The following MOBP variants were observed in gnomAD, a reference collection of about 807,000 sequenced individuals.
MOBP encodes the protein myelin associated oligodendrocyte basic protein, also known as myelin-associated oligodendrocyte basic protein.
MOBP carries 5 observed loss-of-function variants against 15.0 expected under a neutral mutation model. The ratio of observed to expected loss-of-function variants is 0.33; its 90% CI spans 0.17 to 0.70. The LOEUF (loss-of-function observed/expected upper bound fraction) is 0.70, where lower values mean the gene tolerates loss of function less well. MOBP is among the 30% of genes least tolerant of loss of function. The pLI is 0.67. For missense variants in MOBP, 188 were observed against 257.8 expected, an observed-to-expected ratio of 0.73 and a Z score of 1.85; for synonymous variants, 88 against 99.0, an observed-to-expected ratio of 0.89 and a Z score of 0.66.
intron 1 of MOBP, among the ~76,000 whole-genome samples, chr3:39,470,243 C>T (rs1029309304): frequency 6.6e-6 from 1 of 152,190 alleles, no homozygotes; most frequent in Non-Finnish European, 1.5e-5. Flanking sequence ...CACACCTCAG[C>T]ACTGAACTAC....
chr3:39,494,782 G>GCCCCCCCCCCCCCCCCCC (rs142834446), intron 2 of MOBP, among the ~76,000 whole-genome samples: 2 of 85,948 alleles, frequency 2.3e-5, no homozygotes, highest in Admixed American at 1.4e-4. Flanking sequence ...TATTTTCAAA[G>GCCCCCCCCCCCCCCCCCC]CCCCCCCCCG....
chr3:39,472,308 C>T (rs2125622481), intron 1 of MOBP, among the ~76,000 whole-genome samples: 1 of 152,246 alleles, frequency 6.6e-6, no homozygotes, highest in Non-Finnish European at 1.5e-5. Context: ...GTTGGTTAAC[C>T]TATTGTATGA....
intron 4 of MOBP, among the ~76,000 whole-genome samples, chr3:39,513,181 C>T (rs1465809715): frequency 6.6e-6 from 1 of 152,070 alleles, no homozygotes; most frequent in Non-Finnish European, 1.5e-5. Context: ...AATATCTTTC[C>T]TAGGCTCGGG....
intron 2 of MOBP, among the ~76,000 whole-genome samples, chr3:39,484,942 G>T (rs1261053601): frequency 6.6e-6 from 1 of 152,210 alleles, no homozygotes; most frequent in Non-Finnish European, 1.5e-5. Context: ...GCAAAACAAT[G>T]AGGGCATTTA....
chr3:39,513,401 GC>G (rs1254759507), exon 5 of MOBP: 1 of 1,614,054 alleles, frequency 6.2e-7, no homozygotes, highest in East Asian at 2.2e-5. Context: ...GGAAGATCAG[GC>G]CAACCCCAAA....
intron 3 of MOBP, among the ~76,000 whole-genome samples, chr3:39,521,781 A>G (rs1016282157): frequency 6.6e-6 from 1 of 152,222 alleles, no homozygotes; most frequent in African/African-American, 2.4e-5. Flanking sequence ...TTTGATGCCA[A>G]AACTCATGCA....
chr3:39,518,345 G>T (rs1384797361), downstream of MOBP, among the ~76,000 whole-genome samples: 1 of 152,108 alleles, frequency 6.6e-6, no homozygotes, highest in African/African-American at 2.4e-5. Flanking sequence ...CAGGGATGTT[G>T]GTCCTTTAGT....
chr3:39,516,745 C>G (rs1356619985), downstream of MOBP, among the ~76,000 whole-genome samples: 1 of 152,128 alleles, frequency 6.6e-6, no homozygotes, highest in East Asian at 1.9e-4. Flanking sequence ...AGATCTAAAT[C>G]CCAGATCTAA....
downstream of MOBP, chr3:39,526,284 T>G (rs1375270064): frequency 3.3e-5 from 5 of 152,204 alleles, no homozygotes; most frequent in Non-Finnish European, 7.3e-5. Flanking sequence ...AGTTAGATAT[T>G]AGCCCAGAAA....
At chr3:39,477,023 G>A (rs2042554003) in intron 1 of MOBP, among the ~76,000 whole-genome samples, 1 of 151,984 alleles carries the variant, frequency 6.6e-6, no homozygotes, top group South Asian at 2.1e-4. Flanking sequence ...ACCCAGTCAA[G>A]TCTTGGTTTT....
intron 2 of MOBP, 110 bp from the exon 3 acceptor site, chr3:39,501,956 T>G (rs1317479151): frequency 1.1e-6 from 1 of 898,682 alleles, no homozygotes; most frequent in African/African-American, 1.6e-5. Context: ...AGGGCCCCCC[T>G]GAATGTTACC....
intron 4 of MOBP, among the ~76,000 whole-genome samples, chr3:39,510,426 A>G (rs2043104415): frequency 6.6e-6 from 1 of 152,160 alleles, no homozygotes; most frequent in East Asian, 1.9e-4. Context: ...GAAAACTATA[A>G]CAATACTGAG....
chr3:39,469,383 T>TAATTAAAATTTATTTTAATTGG (rs2042434898), intron 1 of MOBP, among the ~76,000 whole-genome samples: 1 of 91,206 alleles, frequency 1.1e-5, no homozygotes, highest in African/African-American at 6.2e-5. Flanking sequence ...TAATTGGAAT[T>TAATTAAAATTTATTTTAATTGG]AATTAAAATT....
downstream of MOBP, chr3:39,525,183 G>T (rs1236249729): frequency 6.6e-6 from 1 of 152,186 alleles, no homozygotes; most frequent in Non-Finnish European, 1.5e-5. Context: ...TATATAAACG[G>T]TTAACAATAT....
chr3:39,500,533 C>A lies in MOBP; in HGVS notation c.-4-1533C>A, dbSNP rs2042954723. Among the ~76,000 whole-genome samples the A allele has an allele frequency of 2.0e-5, 3 of 151,938 alleles. No individual in the cohort carries two copies. The South Asian group carries it at 6.2e-4, about 32-fold the overall frequency. On this transcript the variant is annotated intron_variant, in intron 2 of 3. Coordinates refer to ENST00000684792, the MANE Select transcript of MOBP (RefSeq NM_001393704.1). ...AGGAAAGACTTTAGATGGAGAGAGACCAAATATGAAGGCAATTGGTTTAGC... is the reference window on the plus strand; with the variant it reads ...AGGAAAGACTTTAGATGGAGAGAGAACAAATATGAAGGCAATTGGTTTAGC...
exon 5 of MOBP, chr3:39,513,481 C>G: frequency 6.6e-7 from 1 of 1,509,840 alleles, no homozygotes; most frequent in Non-Finnish European, 9.2e-7. Context: ...TGCTTCACAA[C>G]CCATCTACCC....
intron 2 of MOBP, among the ~76,000 whole-genome samples, chr3:39,500,459 G>A (rs1229963879): frequency 6.6e-6 from 1 of 152,244 alleles, no homozygotes; most frequent in African/African-American, 2.4e-5. Context: ...TGGACAAGGA[G>A]AGACTAGAGA....
chr3:39,521,156 G>T (rs976480340), intron 3 of MOBP, among the ~76,000 whole-genome samples: 3 of 152,174 alleles, frequency 2.0e-5, no homozygotes, highest in African/African-American at 7.2e-5. Context: ...CACCATGTTA[G>T]CCAGGTTCGC....
chr3:39,504,524 T>C (rs2043024791), downstream of MOBP, among the ~76,000 whole-genome samples: 1 of 22,530 alleles, frequency 4.4e-5, no homozygotes, highest in Non-Finnish European at 3.4e-4. Flanking sequence ...TTTCAGTGGG[T>C]ATCAGAAGGT....
Sources: gnomAD v4.1 joint callset for allele counts (sites outside exome capture counted in the v4.1 genomes callset) on GRCh38, gnomAD v4.1.1 for gene constraint, MANE v1.5 for transcripts, NCBI Gene and HGNC (gene_info 2026-07-23, HGNC 2026-07-21) for gene names.